Variants in SLC6A16 observed in about 807,000 individuals in gnomAD.
SLC6A16 encodes the protein solute carrier family 6 member 16.
A neutral mutation model predicts 65.4 loss-of-function variants in SLC6A16; 54 were observed. The observed-to-expected ratio is 0.83, with a 90% CI of 0.66 to 1.04. The LOEUF is 1.04. Ranked by LOEUF, SLC6A16 falls within the 50% of genes least tolerant of loss-of-function variation. SLC6A16 has a pLI of 0.00. For missense variants in SLC6A16, 816 were observed against 914.0 expected (o/e 0.89, Z 1.38); for synonymous variants, 330 against 346.5 (o/e 0.95, Z 0.53).
chr19:49,313,778 GA>G (rs2146146375), intron 1 of SLC6A16, among the ~76,000 whole-genome samples: 1 of 152,074 alleles, frequency 6.6e-6, no homozygotes, highest in African/African-American at 2.4e-5. Context: ...CTAGGTGACA[GA>G]GTAAGACTCT....
chr19:49,298,249 T>C (rs171342), intron 7 of SLC6A16, among the ~76,000 whole-genome samples: 64,735 of 151,968 alleles, frequency 0.43, 15,282 homozygotes, highest in Admixed American at 0.55. Context: ...ACAACAAAAA[T>C]TGACAGATAA....
the SLC6A16 span, chr19:49,339,943 G>A: frequency 1.4e-6 from 2 of 1,389,944 alleles, no homozygotes; most frequent in Non-Finnish European, 1.9e-6. This position sits in a 1 kb window ranked among gnomAD's most constrained non-coding sequence, Gnocchi z 4.5. Flanking sequence ...CGCAGAATTA[G>A]AGGAGGCACA....
rs1276906599 is a variant in SLC6A16 at position 49,310,513 on chromosome 19, G to C, written c.416-3C>G. On this transcript the variant is annotated splice_polypyrimidine_tract_variant and splice_region_variant and intron_variant, in intron 2 of 11. Coordinates refer to ENST00000335875, the MANE Select transcript of SLC6A16 (RefSeq NM_014037.3). ...GATGTAGATGGCAGCGAAACTGCCTGTGAAGAAGATTCAGAAGGGACTCTG... is the reference window on the plus strand; with the variant it reads ...GATGTAGATGGCAGCGAAACTGCCTCTGAAGAAGATTCAGAAGGGACTCTG... 1 of 1,614,018 alleles carries C rather than the reference G, an allele frequency of 6.2e-7. No homozygotes were observed. Among genetic ancestry groups the C allele is most frequent in the Non-Finnish European group, 8.5e-7 (1 of 1,180,002 alleles).
intron 7 of SLC6A16, among the ~76,000 whole-genome samples, chr19:49,306,534 G>GTT (rs554621023): frequency 1.5e-5 from 2 of 133,412 alleles, no homozygotes; most frequent in Middle Eastern, 3.9e-3. Context: ...TTAGTTCTTT[G>GTT]TTTTTTTTTT....
chr19:49,339,350 G>A, the SLC6A16 span: 1 of 1,614,084 alleles, frequency 6.2e-7, no homozygotes, highest in Non-Finnish European at 8.5e-7. This position sits in a 1 kb window ranked among gnomAD's most constrained non-coding sequence, Gnocchi z 4.5. Flanking sequence ...AGGGCCTCCA[G>A]AAGTGGCTGC....
chr19:49,293,041 G>A, intron 10 of SLC6A16, 182 bp downstream of exon 10: 1 of 559,284 alleles, frequency 1.8e-6, no homozygotes, highest in Non-Finnish European at 3.1e-6. Context: ...ATAGTGCCTG[G>A]CACATATTCA....
At chr19:49,331,305 T>C in the SLC6A16 span, among the ~76,000 whole-genome samples, 2 of 152,042 alleles carry the variant, frequency 1.3e-5, no homozygotes. Flanking sequence ...CTCAGCCTCC[T>C]GAGTAGCTGG....
chr19:49,337,452 C>CAGGA, the SLC6A16 span, among the ~76,000 whole-genome samples: 1 of 150,386 alleles, frequency 6.6e-6, no homozygotes, highest in Non-Finnish European at 1.5e-5. Flanking sequence ...CATAGTGAGA[C>CAGGA]CCCATCTATA....
the SLC6A16 span, chr19:49,331,887 G>A: frequency 1.3e-5 from 6 of 455,362 alleles, no homozygotes; most frequent in South Asian, 4.7e-5. Context: ...AGCCGTGATT[G>A]CACCACTGCA....
intron 10 of SLC6A16, chr19:49,293,012 C>T (rs1970106813): frequency 2.0e-6 from 1 of 508,194 alleles, no homozygotes; most frequent in East Asian, 3.0e-5. Flanking sequence ...ATTCAATGCC[C>T]CTATCCCTGA....
chr19:49,291,569 A>G lies in SLC6A16; in HGVS notation c.1779-802T>C, dbSNP rs941342833. Among the ~76,000 whole-genome samples, 7 of 152,266 alleles carry G rather than the reference A, an allele frequency of 4.6e-5. No individual in the cohort carries two copies. In the Middle Eastern group the frequency reaches 0.014, roughly 296 times the overall value. On this transcript the variant is annotated intron_variant, in intron 10 of 11. Coordinates refer to ENST00000335875, the MANE Select transcript of SLC6A16 (RefSeq NM_014037.3). The stretch of plus-strand genomic sequence containing the variant: ...CATAAGTGAGCAAACTGACTCCAAG[A>G]ACCACTATCAGATGAAAATGCTGAG...
the SLC6A16 span, chr19:49,337,917 CCT>C: frequency 1.2e-6 from 2 of 1,613,918 alleles, no homozygotes; most frequent in Non-Finnish European, 8.5e-7. Context: ...TCACTGGTGG[CCT>C]CTCAGCTGGA....
intron 1 of SLC6A16, among the ~76,000 whole-genome samples, chr19:49,320,206 C>T (rs1970686665): frequency 6.6e-6 from 1 of 151,996 alleles, no homozygotes; most frequent in South Asian, 2.1e-4. Flanking sequence ...GTCAGGAGTT[C>T]AAGACCAGCT....
intron 1 of SLC6A16, among the ~76,000 whole-genome samples, chr19:49,323,231 C>G (rs1355507114): frequency 6.6e-6 from 1 of 151,972 alleles, no homozygotes; most frequent in Non-Finnish European, 1.5e-5. Flanking sequence ...AAATCAAAGA[C>G]CTAAATGTAA....
chr19:49,298,949 A>G (rs1970232795), intron 7 of SLC6A16, among the ~76,000 whole-genome samples: 1 of 152,234 alleles, frequency 6.6e-6, no homozygotes, highest in South Asian at 2.1e-4. Context: ...GTGAATTAAC[A>G]TAGGAATAGA....
At chr19:49,339,752 G>A in the SLC6A16 span, 5 of 1,389,644 alleles carry the variant, frequency 3.6e-6, no homozygotes, top group African/African-American at 2.9e-5. This position sits in a 1 kb window ranked among gnomAD's most constrained non-coding sequence, Gnocchi z 4.5. Flanking sequence ...TCGAGCCCCG[G>A]GCCCAGCCTG....
At position 49,293,284 on chromosome 19, in the gene SLC6A16, G is replaced by T; in HGVS notation, c.1717C>A (p.Pro573Thr). 1 of 1,614,118 alleles carries T rather than the reference G, an allele frequency of 6.2e-7. No individual in the cohort carries two copies. Among genetic ancestry groups the T allele is most frequent in the African/African-American group, 1.3e-5 (1 of 75,018 alleles). Residue 573 changes from proline to threonine, a missense_variant, in exon 10 of 12, where the codon CCC (proline) becomes ACC (threonine). Coordinates refer to ENST00000335875, the MANE Select transcript of SLC6A16 (RefSeq NM_014037.3). ...TCAAATACGACAACGACGATGATGG[G>T]GAAGACTATCCAGTAGTCACTCAGC... The part of the protein sequence containing the change: ...RLLSDYWIVF[P>T]IIVVVVFETM...
upstream of SLC6A16, among the ~76,000 whole-genome samples, chr19:49,327,008 G>A (rs189154274): frequency 3.3e-5 from 5 of 149,810 alleles, no homozygotes; most frequent in East Asian, 9.7e-4. Flanking sequence ...GATGGGGTAA[G>A]ACCCTGTCTC....
chr19:49,340,271 G>C, the SLC6A16 span: 1 of 1,613,692 alleles, frequency 6.2e-7, no homozygotes, highest in Non-Finnish European at 8.5e-7. Flanking sequence ...TGACGCTCTC[G>C]ATATTCCTGT....
Sources: gnomAD v4.1 joint callset for allele counts (sites outside exome capture counted in the v4.1 genomes callset) on GRCh38, gnomAD v4.1.1 for gene constraint, Gnocchi (gnomAD v3.1) non-coding constraint, MANE v1.5 for transcripts, NCBI Gene and HGNC (gene_info 2026-07-23, HGNC 2026-07-21) for gene names.